Variants in SHANK2 observed in about 807,000 individuals in gnomAD.
SHANK2 encodes the protein SH3 and multiple ankyrin repeat domains 2, also known as SH3 and multiple ankyrin repeat domains protein 2.
A neutral mutation model predicts 133.7 loss-of-function variants in SHANK2; 43 were observed. The observed-to-expected ratio is 0.32, with a 90% CI of 0.25 to 0.41. The LOEUF (loss-of-function observed/expected upper bound fraction) is 0.41, where lower values mean the gene tolerates loss of function less well. SHANK2 is among the 10% of genes least tolerant of loss of function. The probability of loss-of-function intolerance (pLI) is 1.00; values close to 1 mark genes in which losing one functional copy is unlikely to be tolerated. For missense variants in SHANK2, 1,994 were observed against 2,235.8 expected (o/e 0.89, Z 2.18); for synonymous variants, 1,017 against 952.8 (o/e 1.07, Z -1.24).
chr11:70,854,137 T>G (rs182044477), intron 11 of SHANK2, among the ~76,000 whole-genome samples: 5 of 152,354 alleles, frequency 3.3e-5, no homozygotes, highest in African/African-American at 7.2e-5. Context: ...GATTTTCATA[T>G]GTACACGCAT....
intron 16 of SHANK2, among the ~76,000 whole-genome samples, chr11:70,660,188 C>G (rs1046934539): frequency 3.9e-5 from 6 of 152,214 alleles, no homozygotes; most frequent in African/African-American, 1.4e-4. Flanking sequence ...CTTGGCCTCT[C>G]TGCTGAAACC....
intron 10 of SHANK2, among the ~76,000 whole-genome samples, chr11:70,901,859 T>A (rs563307128): frequency 6.6e-6 from 1 of 152,108 alleles, no homozygotes; most frequent in Admixed American, 6.5e-5. Flanking sequence ...AAGATGGATG[T>A]GTGGTGGGAG....
chr11:71,167,214 C>T (rs188544708), intron 2 of SHANK2, among the ~76,000 whole-genome samples: 1 of 152,168 alleles, frequency 6.6e-6, no homozygotes, highest in African/African-American at 2.4e-5. Flanking sequence ...GGCAACCATC[C>T]GATTCTCAAT....
intron 3 of SHANK2, among the ~76,000 whole-genome samples, chr11:71,135,482 GTTT>G (rs71949830): frequency 4.7e-4 from 54 of 115,670 alleles, no homozygotes; most frequent in African/African-American, 1.4e-3. Context: ...GGGGGGATAT[GTTT>G]TTTTTTTTTT....
chr11:70,900,223 A>G (rs1555076480), intron 10 of SHANK2, among the ~76,000 whole-genome samples: 1 of 152,092 alleles, frequency 6.6e-6, no homozygotes, highest in Non-Finnish European at 1.5e-5. Context: ...GCGTGGTAGC[A>G]TGCACCTGTA....
At chr11:70,730,609 A>G (rs1591794158) in intron 14 of SHANK2, among the ~76,000 whole-genome samples, 1 of 151,554 alleles carries the variant, frequency 6.6e-6, no homozygotes, top group South Asian at 2.1e-4. Context: ...ATCCATTCCT[A>G]CCCTGGGCAC....
intron 17 of SHANK2, among the ~76,000 whole-genome samples, chr11:70,503,333 G>A (rs2059088243): frequency 6.6e-6 from 1 of 152,162 alleles, no homozygotes; most frequent in African/African-American, 2.4e-5. Context: ...TTCCAGGGCT[G>A]GGCTGCAGTG....
At chr11:70,850,900 C>T (rs1010304028) in intron 11 of SHANK2, among the ~76,000 whole-genome samples, 6 of 152,234 alleles carry the variant, frequency 3.9e-5, no homozygotes, top group African/African-American at 1.4e-4. Flanking sequence ...ACAACCCCTT[C>T]GCCCTCCAAG....
chr11:70,717,891 T>C (rs1269529838), intron 14 of SHANK2, among the ~76,000 whole-genome samples: 1 of 152,004 alleles, frequency 6.6e-6, no homozygotes, highest in Non-Finnish European at 1.5e-5. Context: ...AGAAGAAAGA[T>C]GGCTCCGGGA....
chr11:70,719,752 C>T (rs1946035874), intron 14 of SHANK2, among the ~76,000 whole-genome samples: 1 of 151,478 alleles, frequency 6.6e-6, no homozygotes. Context: ...GCCCCGCGCT[C>T]CCCTGCTCCA....
chr11:71,166,359 G>A (rs572128986), intron 2 of SHANK2, among the ~76,000 whole-genome samples: 9 of 152,208 alleles, frequency 5.9e-5, no homozygotes, highest in East Asian at 3.9e-4. Flanking sequence ...GAAATTAACC[G>A]GACAGCTACT....
chr11:70,899,414 G>A (rs911741871), intron 10 of SHANK2, among the ~76,000 whole-genome samples: 6 of 152,094 alleles, frequency 3.9e-5, no homozygotes, highest in African/African-American at 7.3e-5. Context: ...ACTGTGTATC[G>A]ATTAAACCTC....
At chr11:70,806,952 C>A (rs1555051998) in intron 13 of SHANK2, 50 bp downstream of exon 13, 3 of 698,322 alleles carry the variant, frequency 4.3e-6, no homozygotes, top group Non-Finnish European at 8.0e-6. Flanking sequence ...GGGTGAAGGG[C>A]CCCAGCCTGA....
At chr11:70,902,831 C>G (rs991246117) in intron 10 of SHANK2, among the ~76,000 whole-genome samples, 24 of 152,198 alleles carry the variant, frequency 1.6e-4, no homozygotes, top group South Asian at 4.1e-4. Context: ...GACACCCCGC[C>G]AGGGGCCCTG....
intron 17 of SHANK2, among the ~76,000 whole-genome samples, chr11:70,619,090 G>A (rs1028893201): frequency 1.3e-5 from 2 of 152,142 alleles, no homozygotes; most frequent in Admixed American, 6.5e-5. Context: ...CAGGGGAGGC[G>A]GACCCCAGCC....
At chr11:70,946,680 C>T (rs1179993898) in intron 10 of SHANK2, among the ~76,000 whole-genome samples, 1 of 147,538 alleles carries the variant, frequency 6.8e-6, no homozygotes, top group Non-Finnish European at 1.5e-5. Context: ...CCTCCCTCTC[C>T]ACTAACCAAC....
At position 70,823,859 on chromosome 11, in the gene SHANK2, A is replaced by G. The variant is rs868926795; in HGVS notation, c.1175-3177T>C. Among the ~76,000 whole-genome samples, 5 of 148,772 alleles carry G rather than the reference A, an allele frequency of 3.4e-5. No homozygotes were observed. In the South Asian group the frequency reaches 1.1e-3, roughly 33 times the overall value. ...GTGGCGTTGACAGAGCTCCTGGGGG[A>G]CAGAGGTGGCACTGGCAAAGCACAT... is the stretch of plus-strand genomic sequence containing the variant. On this transcript the variant is annotated intron_variant, in intron 11 of 25. Transcript: ENST00000601538.
intron 17 of SHANK2, among the ~76,000 whole-genome samples, chr11:70,579,721 C>A (rs2060160209): frequency 6.6e-6 from 1 of 152,238 alleles, no homozygotes; most frequent in Non-Finnish European, 1.5e-5. Flanking sequence ...ATCCCTGGGA[C>A]CTGTGTGACC....
intron 17 of SHANK2, among the ~76,000 whole-genome samples, chr11:70,650,255 CCTT>C (rs1475640164): frequency 6.6e-6 from 1 of 152,198 alleles, no homozygotes; most frequent in Non-Finnish European, 1.5e-5. Context: ...CTTGGCCCCT[CCTT>C]GTGGAAGAGA....
Sources: allele counts gnomAD v4.1 joint callset (sites outside exome capture counted in the v4.1 genomes callset), GRCh38; gene constraint gnomAD v4.1.1; transcripts MANE v1.5; gene names NCBI Gene and HGNC (gene_info 2026-07-23, HGNC 2026-07-21).